PSKH2: variants seen among roughly 807,000 people sequenced by gnomAD.
PSKH2 encodes the protein protein serine kinase H2.
In PSKH2, 16 loss-of-function variants were observed where a neutral mutation model predicts 22.5. The ratio of observed to expected loss-of-function variants is 0.71; its 90% CI spans 0.48 to 1.08. PSKH2 has a LOEUF of 1.08. Among genes scored for constraint, PSKH2 ranks in the 50% least tolerant of loss-of-function variants. PSKH2 has a pLI of 0.00. For synonymous variants in PSKH2, 188 were observed against 184.8 expected, an observed-to-expected ratio of 1.02 and a Z score of -0.14; for missense variants, 516 against 492.8, an observed-to-expected ratio of 1.05 and a Z score of -0.44.
At chr8:86,062,179 G>A (rs1817786061) in intron 2 of PSKH2, among the ~76,000 whole-genome samples, 1 of 152,174 alleles carries the variant, frequency 6.6e-6, no homozygotes, top group African/African-American at 2.4e-5. Context: ...AGTATATTGT[G>A]AAAATTTTCC....
chr8:86,061,831 G>T (rs1419176680), intron 2 of PSKH2, among the ~76,000 whole-genome samples: 1 of 152,146 alleles, frequency 6.6e-6, no homozygotes, highest in African/African-American at 2.4e-5. Context: ...ACATCATGTG[G>T]CACAGAAGAT....
intron 1 of PSKH2, among the ~76,000 whole-genome samples, chr8:86,065,155 C>T (rs1817839481): frequency 6.6e-6 from 1 of 152,124 alleles, no homozygotes; most frequent in African/African-American, 2.4e-5. Context: ...CAACAACAAA[C>T]AAATCAAGTG....
chr8:86,065,599 A>G (rs1481590031), intron 1 of PSKH2, among the ~76,000 whole-genome samples: 1 of 152,162 alleles, frequency 6.6e-6, no homozygotes, highest in East Asian at 1.9e-4. Flanking sequence ...AAAGTTGAAG[A>G]AAAAAAGGCC....
At position 86,048,440 on chromosome 8, in the gene PSKH2, A is replaced by G; in HGVS notation, c.*22T>C. 1 of 1,593,198 alleles carries G rather than the reference A, an allele frequency of 6.3e-7. No individual in the cohort carries two copies. ...ATGAAATGGTCCTAAAATAGGCAAA[A>G]ATAGTTTTAGAGGTCATCTGCTTAC... is the stretch of plus-strand genomic sequence containing the variant. On this transcript the variant is annotated 3_prime_UTR_variant, in exon 3 of 3. Transcript: ENST00000276616.
intron 1 of PSKH2, 22 bp downstream of exon 1, chr8:86,069,416 A>G: frequency 6.4e-7 from 1 of 1,551,946 alleles, no homozygotes; most frequent in Non-Finnish European, 8.7e-7. Flanking sequence ...GTCCCAGGCC[A>G]GTTCCTCACG....
Position 86,047,831 on chromosome 8 carries a change from C to T in PSKH2, c.*631G>A, listed in dbSNP as rs576790022. Reference sequence around the variant, plus strand: ...TGTAAACCCTGGTGGTTGATGAATGCTAACATTAGAAAAAAATCACTATTT... The same window carrying T: ...TGTAAACCCTGGTGGTTGATGAATGTTAACATTAGAAAAAAATCACTATTT... On this transcript the variant is annotated 3_prime_UTR_variant, in exon 3 of 3. Coordinates refer to ENST00000276616, the MANE Select transcript of PSKH2 (RefSeq NM_033126.3). 5.5e-4 allele frequency among the ~76,000 whole-genome samples: 73 copies of T among 132,014 alleles called. No individual in the cohort carries two copies. The highest frequency in any genetic ancestry group is 2.0e-3 in the African/African-American group (69 of 35,264). The allele number at this position is 132,014 out of a possible 152,430, so 86.6% of individuals were successfully genotyped here.
At chr8:86,050,176 A>G (rs1202024663) in intron 2 of PSKH2, among the ~76,000 whole-genome samples, 1 of 152,062 alleles carries the variant, frequency 6.6e-6, no homozygotes, top group Non-Finnish European at 1.5e-5. Flanking sequence ...CTGTTGCTTT[A>G]TATTCAAATT....
chr8:86,049,674 AGAAGAAAGAAAGAAAGAAAGAAAG>A (rs1817584696), intron 2 of PSKH2, among the ~76,000 whole-genome samples: 1 of 130,784 alleles, frequency 7.6e-6, no homozygotes, highest in Non-Finnish European at 1.6e-5. Flanking sequence ...AGAGTGAGAA[AGAAGAAAGAAAGAAAGAAAGAAAG>A]AAAGAAAGAA....
intron 2 of PSKH2, among the ~76,000 whole-genome samples, chr8:86,063,353 A>G (rs1260894126): frequency 6.6e-6 from 1 of 152,188 alleles, no homozygotes; most frequent in African/African-American, 2.4e-5. Flanking sequence ...CCCACACACA[A>G]GCATTGGCAA....
chr8:86,062,686 T>A (rs1817797246), intron 2 of PSKH2, among the ~76,000 whole-genome samples: 1 of 152,160 alleles, frequency 6.6e-6, no homozygotes, highest in Non-Finnish European at 1.5e-5. Flanking sequence ...TCCTGAGGCC[T>A]CCCCAGCCAT....
At chr8:86,067,943 T>G (rs1222608463) in intron 1 of PSKH2, among the ~76,000 whole-genome samples, 2 of 152,280 alleles carry the variant, frequency 1.3e-5, no homozygotes, top group South Asian at 4.1e-4. Flanking sequence ...AATGTTGAGA[T>G]CCTCTACTTC....
chr8:86,065,565 A>G (rs746209249), intron 1 of PSKH2, among the ~76,000 whole-genome samples: 1 of 152,230 alleles, frequency 6.6e-6, no homozygotes, highest in Non-Finnish European at 1.5e-5. Context: ...CACATCCTGC[A>G]CATGTACCCC....
intron 2 of PSKH2, among the ~76,000 whole-genome samples, chr8:86,057,672 G>A (rs1204133183): frequency 6.6e-6 from 1 of 152,200 alleles, no homozygotes; most frequent in East Asian, 1.9e-4. Flanking sequence ...TTACAGGCAT[G>A]AGCCACCATT....
chr8:86,063,258 A>G (rs996596929), intron 2 of PSKH2, among the ~76,000 whole-genome samples: 3 of 152,206 alleles, frequency 2.0e-5, no homozygotes, highest in African/African-American at 7.2e-5. Context: ...AGCAAATATC[A>G]ATGTTTTTCT....
chr8:86,049,952 T>G (rs1244861065), intron 2 of PSKH2, among the ~76,000 whole-genome samples: 1 of 152,054 alleles, frequency 6.6e-6, no homozygotes, highest in Non-Finnish European at 1.5e-5. Context: ...CCCAATCAGC[T>G]GAGAACAAAT....
intron 2 of PSKH2, among the ~76,000 whole-genome samples, chr8:86,062,510 G>A (rs931399952): frequency 3.9e-5 from 6 of 152,194 alleles, no homozygotes; most frequent in Non-Finnish European, 7.3e-5. Flanking sequence ...AAGTGGAGGT[G>A]ATTGGATCAT....
At chr8:86,058,328 C>A (rs766723275) in intron 2 of PSKH2, among the ~76,000 whole-genome samples, 1 of 152,172 alleles carries the variant, frequency 6.6e-6, no homozygotes, top group Non-Finnish European at 1.5e-5. Context: ...GTAGATGTAG[C>A]CTTTCAGACC....
At chr8:86,049,384 C>A (rs1229983405) in intron 2 of PSKH2, among the ~76,000 whole-genome samples, 1 of 151,946 alleles carries the variant, frequency 6.6e-6, no homozygotes, top group African/African-American at 2.4e-5. Context: ...CACAGCAAAA[C>A]CCCATCTCTA....
chr8:86,057,867 T>C (rs950426724), intron 2 of PSKH2, among the ~76,000 whole-genome samples: 5 of 152,196 alleles, frequency 3.3e-5, no homozygotes, highest in African/African-American at 1.2e-4. Context: ...TTTCTTCCAT[T>C]GCCCCTGTGA....
Sources: allele counts gnomAD v4.1 joint callset (sites outside exome capture counted in the v4.1 genomes callset), GRCh38; gene constraint gnomAD v4.1.1; transcripts MANE v1.5; gene names NCBI Gene and HGNC (gene_info 2026-07-23, HGNC 2026-07-21).